The following ZDHHC21 variants were observed in gnomAD, a reference collection of about 807,000 sequenced individuals.
The protein encoded by ZDHHC21 is palmitoyltransferase ZDHHC21.
In ZDHHC21, 15 loss-of-function variants were observed where a neutral mutation model predicts 34.6. That is an observed-to-expected ratio of 0.43 (90% CI 0.29 to 0.67). The LOEUF (loss-of-function observed/expected upper bound fraction) is 0.67, where lower values mean the gene tolerates loss of function less well. Ranked by LOEUF, ZDHHC21 falls within the 30% of genes least tolerant of loss-of-function variation. The pLI, the probability that ZDHHC21 is intolerant of heterozygous loss-of-function variation, is 0.14. For missense variants in ZDHHC21, 344 were observed against 327.7 expected (o/e 1.05, Z -0.38); for synonymous variants, 142 against 101.8 (o/e 1.40, Z -2.38).
At chr9:14,595,944 C>T in the ZDHHC21 span, among the ~76,000 whole-genome samples, 89 of 152,268 alleles carry the variant, frequency 5.8e-4, 1 homozygote, top group African/African-American at 2.0e-3. Flanking sequence ...GGAAAAGACA[C>T]GGAGCAACTG....
rs75911477 is a variant in ZDHHC21, at chr9:14,654,179, C to A, written c.504+4570G>T. On this transcript the variant is annotated intron_variant, in intron 7 of 9. Coordinates refer to ENST00000380916, the MANE Select transcript of ZDHHC21 (RefSeq NM_178566.6). Reference sequence around the variant, plus strand: ...ACACCTCAGTTTTTCAGCTGAGACCCCGAAGGACTAGACTATTGGAATAAA... The same window carrying A: ...ACACCTCAGTTTTTCAGCTGAGACCACGAAGGACTAGACTATTGGAATAAA... Among the ~76,000 whole-genome samples, 419 of 152,056 alleles carry A rather than the reference C, an allele frequency of 2.8e-3. 1 individual carries two copies. The highest frequency in any genetic ancestry group is 9.5e-3 in the African/African-American group (396 of 41,518).
intron 5 of ZDHHC21, among the ~76,000 whole-genome samples, chr9:14,663,996 G>T (rs1476014848): frequency 6.6e-6 from 1 of 152,028 alleles, no homozygotes; most frequent in South Asian, 2.1e-4. Context: ...TTTGAATTCG[G>T]GGGGAGGAGC....
At chr9:14,654,083 G>A (rs1024619663) in intron 7 of ZDHHC21, among the ~76,000 whole-genome samples, 6 of 151,960 alleles carry the variant, frequency 3.9e-5, no homozygotes, top group African/African-American at 9.6e-5. Flanking sequence ...AAGTAGAACC[G>A]GAGACTCAGA....
chr9:14,682,020 T>A (rs1399190950), intron 2 of ZDHHC21, among the ~76,000 whole-genome samples: 1 of 152,112 alleles, frequency 6.6e-6, no homozygotes, highest in Non-Finnish European at 1.5e-5. Flanking sequence ...AGGCCTGCCC[T>A]ACAAGAGCTC....
chr9:14,595,380 C>T, the ZDHHC21 span, among the ~76,000 whole-genome samples: 1 of 152,110 alleles, frequency 6.6e-6, no homozygotes, highest in Non-Finnish European at 1.5e-5. Context: ...ACCTCAAAAA[C>T]ACTACATTAA....
rs1316588447 is a variant in ZDHHC21 at position 14,686,928 on chromosome 9, G to GCAC, written c.-176+3408_-176+3409insGTG. Among the ~76,000 whole-genome samples the GCAC allele has an allele frequency of 2.7e-5, 4 of 148,788 alleles. 1 individual carries two copies. The highest frequency in any genetic ancestry group is 7.7e-5 in the African/African-American group (3 of 38,856). ...GCAGAGGTTGCAGTGAGCAGAGACTGTACTACAGCACTCCAGCCTGGGCGA... is the reference window on the plus strand; with the variant it reads ...GCAGAGGTTGCAGTGAGCAGAGACTGCACTACTACAGCACTCCAGCCTGGGCGA... On this transcript the variant is annotated intron_variant, in intron 2 of 9. Transcript: ENST00000380916.
chr9:14,630,003 G>GC (rs1318238759), intron 8 of ZDHHC21, among the ~76,000 whole-genome samples: 1 of 152,016 alleles, frequency 6.6e-6, no homozygotes, highest in African/African-American at 2.4e-5. Context: ...CCGAGATCAC[G>GC]CCACTGCACG....
chr9:14,679,101 A>G (rs939270989), intron 3 of ZDHHC21, among the ~76,000 whole-genome samples: 1 of 152,154 alleles, frequency 6.6e-6, no homozygotes, highest in Non-Finnish European at 1.5e-5. Context: ...AAAACTCAGC[A>G]TATGTACACT....
intron 3 of ZDHHC21, among the ~76,000 whole-genome samples, chr9:14,675,649 T>C (rs774858424): frequency 6.6e-6 from 1 of 151,800 alleles, no homozygotes; most frequent in Non-Finnish European, 1.5e-5. Context: ...ACACTGCAGA[T>C]ACAATGATGA....
chr9:14,653,208 C>A (rs761794399), intron 7 of ZDHHC21, among the ~76,000 whole-genome samples: 18 of 151,860 alleles, frequency 1.2e-4, no homozygotes, highest in Non-Finnish European at 1.9e-4. Context: ...GTTTTATACA[C>A]ATAATCAACA....
intron 5 of ZDHHC21, among the ~76,000 whole-genome samples, chr9:14,672,286 G>A (rs1191220418): frequency 1.3e-5 from 2 of 151,770 alleles, no homozygotes; most frequent in African/African-American, 4.8e-5. Flanking sequence ...AACTCTCTAG[G>A]CATTCAATAT....
chr9:14,610,862 A>G (rs1369237368), downstream of ZDHHC21, among the ~76,000 whole-genome samples: 1 of 152,022 alleles, frequency 6.6e-6, no homozygotes, highest in Non-Finnish European at 1.5e-5. Context: ...GCGTTTGTCA[A>G]TTTCAGCCCT....
intron 8 of ZDHHC21, among the ~76,000 whole-genome samples, chr9:14,630,218 C>G (rs186761701): frequency 1.0e-3 from 154 of 152,344 alleles, no homozygotes; most frequent in African/African-American, 3.5e-3. Flanking sequence ...GCTTTACCAA[C>G]TAAGTCCATA....
In ZDHHC21 at chr9:14,662,303, T is replaced by G; in HGVS notation, c.277A>C (p.Asn93His). The G allele has an allele frequency of 6.2e-7, 1 of 1,610,686 alleles. No individual in the cohort carries two copies. The highest frequency in any genetic ancestry group is 8.5e-7 in the Non-Finnish European group (1 of 1,178,786). ...HGEREFWELC[N>H]KCNLMRPKRS... is the part of the protein sequence containing the mutation. ...TTTGGTCTCATCAAATTACACTTGT[T>G]ACATAATTCCCAGAACTCCCTTTCT... The change falls in exon 6 of 10, where the codon AAC becomes CAC. Residue 93 changes from asparagine to histidine, a missense_variant. By Grantham distance (68) the Asn-to-His change is moderately conservative. Transcript: ENST00000380916.
intron 8 of ZDHHC21, among the ~76,000 whole-genome samples, chr9:14,627,070 A>C (rs965114998): frequency 2.6e-5 from 4 of 152,142 alleles, no homozygotes; most frequent in Admixed American, 1.3e-4. Context: ...TAATTGTTAT[A>C]AAGAGTGTAC....
At chr9:14,628,715 A>T (rs1030902327) in intron 8 of ZDHHC21, among the ~76,000 whole-genome samples, 17 of 152,154 alleles carry the variant, frequency 1.1e-4, no homozygotes, top group Non-Finnish European at 2.2e-4. Flanking sequence ...TTATGACAAA[A>T]ACATGTGCAG....
intron 3 of ZDHHC21, among the ~76,000 whole-genome samples, chr9:14,676,706 G>T (rs989977853): frequency 6.6e-6 from 1 of 151,772 alleles, no homozygotes; most frequent in Non-Finnish European, 1.5e-5. Flanking sequence ...AGTCAGACAG[G>T]ATAAAGCATG....
chr9:14,680,272 C>T (rs1837137617), intron 2 of ZDHHC21, 110 bp from the exon 3 acceptor site: 1 of 152,016 alleles, frequency 6.6e-6, no homozygotes, highest in Non-Finnish European at 1.5e-5. Flanking sequence ...TTAGAAATAA[C>T]AAAAAAGAAA....
the ZDHHC21 span, among the ~76,000 whole-genome samples, chr9:14,602,928 CAAAAAAAAAA>C: frequency 1.6e-4 from 14 of 88,024 alleles, no homozygotes; most frequent in African/African-American, 4.1e-4. Context: ...GACTTCATCT[CAAAAAAAAAA>C]AAAAAAAAAA....
Sources: allele counts gnomAD v4.1 joint callset (sites outside exome capture counted in the v4.1 genomes callset), GRCh38; gene constraint gnomAD v4.1.1; transcripts MANE v1.5; gene names NCBI Gene and HGNC (gene_info 2026-07-23, HGNC 2026-07-21).